Variants in ROBO2 observed in about 807,000 individuals in gnomAD.
ROBO2 encodes roundabout homolog 2.
ROBO2 carries 53 observed loss-of-function variants against 160.8 expected under a neutral mutation model. The ratio of observed to expected loss-of-function variants is 0.33; its 90% CI spans 0.26 to 0.41. ROBO2 has a LOEUF of 0.41. ROBO2 is among the 10% of genes least tolerant of loss of function. The pLI is 1.00. For synonymous variants in ROBO2, 664 were observed against 611.7 expected (o/e 1.09, Z -1.26); for missense variants, 1,577 against 1,722.4 (o/e 0.92, Z 1.49).
chr3:77,174,451 C>T (rs2079938089), intron 2 of ROBO2, among the ~76,000 whole-genome samples: 1 of 151,970 alleles, frequency 6.6e-6, no homozygotes, highest in Non-Finnish European at 1.5e-5. Flanking sequence ...ACTGGGTGTT[C>T]ATGCTACTTG....
At chr3:76,837,736 C>G (rs2067837504) in intron 2 of ROBO2, among the ~76,000 whole-genome samples, 1 of 151,864 alleles carries the variant, frequency 6.6e-6, no homozygotes, top group Non-Finnish European at 1.5e-5. Context: ...CTCTTAAGAA[C>G]AAGTACAATC....
intron 2 of ROBO2, among the ~76,000 whole-genome samples, chr3:76,927,684 G>A (rs1045401031): frequency 1.3e-5 from 2 of 152,046 alleles, no homozygotes; most frequent in Non-Finnish European, 2.9e-5. Flanking sequence ...AAAAATATAG[G>A]AAAATGTAGA....
At chr3:76,275,482 T>C (rs1707866280) in intron 2 of ROBO2, among the ~76,000 whole-genome samples, 1 of 152,148 alleles carries the variant, frequency 6.6e-6, no homozygotes, top group Non-Finnish European at 1.5e-5. Context: ...CCTCGGTCTT[T>C]ACTATGAAGT....
intron 2 of ROBO2, among the ~76,000 whole-genome samples, chr3:76,615,296 T>C (rs1387364275): frequency 1.3e-5 from 2 of 152,166 alleles, no homozygotes; most frequent in African/African-American, 4.8e-5. Context: ...CAAGCAATTA[T>C]AAATGCAAAG....
At chr3:77,055,332 A>G (rs2149720186) in intron 1 of ROBO2, among the ~76,000 whole-genome samples, 1 of 152,244 alleles carries the variant, frequency 6.6e-6, no homozygotes, top group East Asian at 1.9e-4. Context: ...TGGGCCAGTA[A>G]ATTGCATACT....
intron 2 of ROBO2, among the ~76,000 whole-genome samples, chr3:76,294,516 C>G (rs1220046835): frequency 6.6e-6 from 1 of 152,190 alleles, no homozygotes; most frequent in Non-Finnish European, 1.5e-5. Context: ...ATGCTATTTT[C>G]CATTGAGCTC....
intron 2 of ROBO2, among the ~76,000 whole-genome samples, chr3:76,242,067 T>C (rs569151062): frequency 1.1e-4 from 16 of 152,330 alleles, no homozygotes; most frequent in African/African-American, 3.8e-4. Flanking sequence ...TAATTTTTTT[T>C]CCCTAAATGA....
intron 2 of ROBO2, among the ~76,000 whole-genome samples, chr3:76,153,510 C>G (rs2072286439): frequency 6.6e-6 from 1 of 151,978 alleles, no homozygotes; most frequent in Non-Finnish European, 1.5e-5. Flanking sequence ...AAAACATAAC[C>G]AAGAAAAGAA....
intron 2 of ROBO2, among the ~76,000 whole-genome samples, chr3:77,387,715 G>A (rs2074284314): frequency 6.6e-6 from 1 of 151,830 alleles, no homozygotes; most frequent in Admixed American, 6.6e-5. Context: ...GATAGCTACA[G>A]GCAGAAGGTT....
chr3:76,153,815 AC>A (rs1478776121), intron 2 of ROBO2, among the ~76,000 whole-genome samples: 1 of 152,096 alleles, frequency 6.6e-6, no homozygotes, highest in Non-Finnish European at 1.5e-5. Context: ...GATTTTAAAC[AC>A]CAGGCCTGAA....
intron 2 of ROBO2, among the ~76,000 whole-genome samples, chr3:76,002,254 T>C (rs531459976): frequency 1.3e-5 from 2 of 152,232 alleles, no homozygotes; most frequent in Admixed American, 1.3e-4. Flanking sequence ...CAGGGACAGA[T>C]AGGCATAGAG....
intron 2 of ROBO2, among the ~76,000 whole-genome samples, chr3:76,377,040 A>G (rs2076382324): frequency 6.6e-6 from 1 of 152,156 alleles, no homozygotes; most frequent in Admixed American, 6.6e-5. Context: ...GTAACTTGGC[A>G]TTCTGTCATC....
chr3:76,089,659 G>C (rs894813533), intron 2 of ROBO2, among the ~76,000 whole-genome samples: 1 of 151,970 alleles, frequency 6.6e-6, no homozygotes, highest in African/African-American at 2.4e-5. Flanking sequence ...TAGTAAACTA[G>C]GAACAGAGAA....
intron 13 of ROBO2, among the ~76,000 whole-genome samples, chr3:77,570,187 T>C (rs182862900): frequency 2.0e-4 from 31 of 152,154 alleles, no homozygotes; most frequent in Non-Finnish European, 3.5e-4. Flanking sequence ...GCGGATTCTT[T>C]TAAGCTGCAT....
At chr3:77,202,442 G>A (rs1294116524) in intron 2 of ROBO2, among the ~76,000 whole-genome samples, 1 of 152,132 alleles carries the variant, frequency 6.6e-6, no homozygotes, top group African/African-American at 2.4e-5. Flanking sequence ...AACTACTAGT[G>A]TTTTTAATAT....
chr3:76,748,526 T>C (rs2108178566), intron 2 of ROBO2, among the ~76,000 whole-genome samples: 1 of 151,572 alleles, frequency 6.6e-6, no homozygotes, highest in East Asian at 1.9e-4. Flanking sequence ...GATTGATCAA[T>C]AAAAATGTAA....
chr3:77,550,674 G>A (rs1408281716), intron 7 of ROBO2, 144 bp from the exon 9 acceptor site: 105 of 825,862 alleles, frequency 1.3e-4, no homozygotes, highest in Non-Finnish European at 4.3e-5. Flanking sequence ...CCCACTGTGT[G>A]GCATTTAAAC....
At chr3:77,627,301 A>T (rs1220222694) in intron 23 of ROBO2, among the ~76,000 whole-genome samples, 3 of 150,964 alleles carry the variant, frequency 2.0e-5, no homozygotes, top group Non-Finnish European at 1.5e-5. Context: ...TTTTTCTGAG[A>T]TGTTGTCTCG....
chr3:76,346,313 T>C (rs1576574088), intron 2 of ROBO2, among the ~76,000 whole-genome samples: 1 of 151,830 alleles, frequency 6.6e-6, no homozygotes, highest in South Asian at 2.1e-4. Flanking sequence ...AGTGGCGTGA[T>C]CTTGGCTTAC....
Sources: gnomAD v4.1 joint callset for allele counts (sites outside exome capture counted in the v4.1 genomes callset) on GRCh38, gnomAD v4.1.1 for gene constraint, MANE v1.5 for transcripts, NCBI Gene and HGNC (gene_info 2026-07-23, HGNC 2026-07-21) for gene names.